PCCB: variants seen among roughly 807,000 people sequenced by gnomAD.
The protein encoded by PCCB is propionyl-CoA carboxylase beta chain, mitochondrial.
A neutral mutation model predicts 60.7 loss-of-function variants in PCCB; 43 were observed. The ratio of observed to expected loss-of-function variants is 0.71; its 90% CI spans 0.55 to 0.91. The LOEUF is 0.91. PCCB is among the 40% of genes least tolerant of loss of function. The probability of loss-of-function intolerance (pLI) is 0.00; values close to 1 mark genes in which losing one functional copy is unlikely to be tolerated. For missense variants in PCCB, 766 were observed against 702.8 expected (o/e 1.09, Z -1.02); for synonymous variants, 276 against 255.9 (o/e 1.08, Z -0.75).
intron 5 of PCCB, among the ~76,000 whole-genome samples, chr3:136,268,106 A>ATG (rs1246642652): frequency 1.1e-4 from 12 of 109,974 alleles, no homozygotes; most frequent in South Asian, 2.5e-4. Flanking sequence ...ATATATATAT[A>ATG]TATATATATA....
rs1265435219 is a variant in PCCB at position 136,268,094 on chromosome 3, A to ATATATATATATATATGTG, written c.543+6044_543+6045insGTGTATATATATATATAT. On this transcript the variant is annotated intron_variant, in intron 5 of 14. Coordinates refer to ENST00000251654, the MANE Select transcript of PCCB (RefSeq NM_000532.5). ...TGTGTGTGTGTGTGTGTAGATATAT[A>ATATATATATATATATGTG]TATATATATATATATATATATATAT... Among the ~76,000 whole-genome samples, 146 of 64,288 alleles carry ATATATATATATATATGTG rather than the reference A, an allele frequency of 2.3e-3. 1 individual carries two copies. The highest frequency in any genetic ancestry group is 2.9e-3 in the Non-Finnish European group (96 of 32,792). 42.2% of individuals were successfully genotyped at this position (64,288 alleles called of 152,430 possible). A position where few individuals can be genotyped will look rare whatever the true frequency, so the allele number is the denominator to read the frequency against.
At chr3:136,271,780 A>G (rs1942209398) in intron 5 of PCCB, among the ~76,000 whole-genome samples, 1 of 152,146 alleles carries the variant, frequency 6.6e-6, no homozygotes, top group Non-Finnish European at 1.5e-5. Flanking sequence ...GAGTTTTCCA[A>G]GTATATATGA....
At chr3:136,268,092 A>ATATATATATATATATATGTG (rs1553775732) in intron 5 of PCCB, among the ~76,000 whole-genome samples, 1 of 54,474 alleles carries the variant, frequency 1.8e-5, no homozygotes, top group Non-Finnish European at 3.7e-5. Flanking sequence ...GTGTAGATAT[A>ATATATATATATATATATGTG]TATATATATA....
chr3:136,324,719 A>T (rs941097961), intron 10 of PCCB, among the ~76,000 whole-genome samples: 2 of 152,146 alleles, frequency 1.3e-5, no homozygotes, highest in Non-Finnish European at 2.9e-5. Flanking sequence ...AGCCTGGATA[A>T]GTTCTGAGTT....
chr3:136,255,602 CTT>C, intron 1 of PCCB: 1 of 514,096 alleles, frequency 1.9e-6, no homozygotes, highest in Non-Finnish European at 3.5e-6. Context: ...TTCTCTCTAC[CTT>C]TTCCTCGTCC....
chr3:136,293,886 CTTG>C (rs775300517), intron 7 of PCCB, 22 bp downstream of exon 7: 3 of 1,368,958 alleles, frequency 2.2e-6, no homozygotes, highest in South Asian at 1.2e-5. Context: ...TGAAGATGAC[CTTG>C]TTGTTTTCAA....
intron 10 of PCCB, among the ~76,000 whole-genome samples, chr3:136,319,455 G>A (rs1435944163): frequency 6.7e-6 from 1 of 150,248 alleles, no homozygotes; most frequent in Admixed American, 6.6e-5. Flanking sequence ...GGAGTGCAAT[G>A]GTACGATCTC....
intron 9 of PCCB, among the ~76,000 whole-genome samples, chr3:136,308,252 G>C (rs922478672): frequency 5.1e-5 from 2 of 39,476 alleles, no homozygotes. Flanking sequence ...TTTTTTTTTT[G>C]ATATGGAGTC....
chr3:136,300,193 A>G (rs144425269), intron 8 of PCCB, among the ~76,000 whole-genome samples: 96 of 152,146 alleles, frequency 6.3e-4, no homozygotes, highest in African/African-American at 2.3e-3. Flanking sequence ...TATGTATGAC[A>G]AGTAAAAAGG....
chr3:136,281,456 C>G (rs1268936772), intron 5 of PCCB, among the ~76,000 whole-genome samples: 1 of 151,668 alleles, frequency 6.6e-6, no homozygotes, highest in South Asian at 2.1e-4. Context: ...TGCTTGGTTC[C>G]TTTTCATAAT....
chr3:136,317,273 G>A (rs952532680), intron 10 of PCCB, among the ~76,000 whole-genome samples: 6 of 128,876 alleles, frequency 4.7e-5, no homozygotes, highest in Non-Finnish European at 9.3e-5. Flanking sequence ...CTAGGCTGGA[G>A]TGCAGTGGTG....
intron 6 of PCCB, among the ~76,000 whole-genome samples, chr3:136,290,755 G>T (rs902431814): frequency 2.9e-5 from 4 of 138,960 alleles, no homozygotes; most frequent in African/African-American, 1.1e-4. Context: ...ACAATTTGGG[G>T]AACTTTTCTG....
chr3:136,256,185 C>T (rs905972382), intron 2 of PCCB: 7 of 658,936 alleles, frequency 1.1e-5, no homozygotes, highest in Non-Finnish European at 1.8e-5. Context: ...TCAAGCAATC[C>T]ACCCACCTCG....
intron 5 of PCCB, among the ~76,000 whole-genome samples, chr3:136,262,468 A>G (rs1941852484): frequency 6.6e-6 from 1 of 152,224 alleles, no homozygotes; most frequent in Non-Finnish European, 1.5e-5. Context: ...TTATTAAATA[A>G]AGTCCAAGCC....
At chr3:136,309,018 T>G (rs1462974090) in intron 9 of PCCB, among the ~76,000 whole-genome samples, 1 of 151,834 alleles carries the variant, frequency 6.6e-6, no homozygotes, top group African/African-American at 2.4e-5. Context: ...ATCCCAGCAC[T>G]TTGGGAGGCC....
chr3:136,276,887 T>C (rs891962316), intron 5 of PCCB, among the ~76,000 whole-genome samples: 1 of 152,172 alleles, frequency 6.6e-6, no homozygotes, highest in Non-Finnish European at 1.5e-5. Flanking sequence ...ATCTGAATTC[T>C]TTTGTCCCAT....
In PCCB at chr3:136,295,711, A is replaced by G. The variant is rs574067302; in HGVS notation, c.763+1847A>G. ...AAGCATAAAAACTGCTAGATATTCC[A>G]TCATCCACAGATAATCACTAGTGAT... On this transcript the variant is annotated intron_variant, in intron 7 of 14. Transcript: ENST00000251654. Among the ~76,000 whole-genome samples, 50 of 152,344 alleles carry G rather than the reference A, an allele frequency of 3.3e-4. 1 individual carries two copies. The highest frequency in any genetic ancestry group is 5.3e-4 in the Non-Finnish European group (36 of 68,034).
intron 5 of PCCB, among the ~76,000 whole-genome samples, chr3:136,268,094 A>ATATATG (rs1553775740): frequency 0.019 from 1,205 of 64,240 alleles, 60 homozygotes; most frequent in East Asian, 0.11. Flanking sequence ...GTAGATATAT[A>ATATATG]TATATATATA....
rs1012223561 is a variant in PCCB, at chr3:136,253,332, G to A, written c.184-2524G>A. Among the ~76,000 whole-genome samples the A allele has an allele frequency of 4.0e-5, 6 of 151,394 alleles. No individual in the cohort carries two copies. The South Asian group carries it at 6.3e-4, about 16-fold the overall frequency. Reference sequence around the variant, plus strand: ...TCTCGATCTCCTGACCTCGTGATCCGTCTGCCTCGGCCTCCCAAAGTGTTG... The same window carrying A: ...TCTCGATCTCCTGACCTCGTGATCCATCTGCCTCGGCCTCCCAAAGTGTTG... On this transcript the variant is annotated intron_variant, in intron 1 of 14. Coordinates refer to ENST00000251654, the MANE Select transcript of PCCB (RefSeq NM_000532.5).
Sources: allele counts gnomAD v4.1 joint callset (sites outside exome capture counted in the v4.1 genomes callset), GRCh38; gene constraint gnomAD v4.1.1; transcripts MANE v1.5; gene names NCBI Gene and HGNC (gene_info 2026-07-23, HGNC 2026-07-21).